Variants in DGKG observed in about 807,000 individuals in gnomAD.
The protein encoded by DGKG is diacylglycerol kinase gamma.
DGKG carries 78 observed loss-of-function variants against 105.3 expected under a neutral mutation model. The observed-to-expected ratio is 0.74, with a 90% confidence interval of 0.62 to 0.89. The LOEUF (loss-of-function observed/expected upper bound fraction) is 0.89. DGKG is among the 40% of genes least tolerant of loss of function. The probability of loss-of-function intolerance (pLI) is 0.00; values close to 1 mark genes in which losing one functional copy is unlikely to be tolerated. For missense variants in DGKG, 958 were observed against 1,020.1 expected (o/e 0.94, Z 0.83); for synonymous variants, 346 against 367.1 (o/e 0.94, Z 0.66).
Position 186,320,549 on chromosome 3 carries a change from G to C in DGKG, c.-90C>G, listed in dbSNP as rs1343132885. 1 of 1,604,298 alleles carries C rather than the reference G, an allele frequency of 6.2e-7. No individual in the cohort carries two copies. Among genetic ancestry groups the C allele is most frequent in the Non-Finnish European group, 8.5e-7 (1 of 1,174,456 alleles). ...GGCCCAGCCCAGGGCCTGGCTCATT[G>C]CAGGTTTGCGATGTAAGCCTTTCAG... is the stretch of plus-strand genomic sequence containing the variant. On this transcript the variant is annotated 5_prime_UTR_variant, in exon 2 of 25. Transcript: ENST00000265022.
chr3:186,310,265 C>CAAAAAAAA (rs1165723037), intron 2 of DGKG, among the ~76,000 whole-genome samples: 9,397 of 33,158 alleles, frequency 0.28, 2,199 homozygotes, highest in Non-Finnish European at 0.37. Context: ...GACTCCGTCT[C>CAAAAAAAA]AAAAAAAAAA....
chr3:186,315,174 G>C (rs1404888592), intron 2 of DGKG, among the ~76,000 whole-genome samples: 1 of 152,184 alleles, frequency 6.6e-6, no homozygotes, highest in Non-Finnish European at 1.5e-5. Flanking sequence ...GACAGTTCCA[G>C]GGAAAGGAAA....
At chr3:186,216,960 ACTT>A (rs1277010082) in intron 20 of DGKG, among the ~76,000 whole-genome samples, 4 of 152,130 alleles carry the variant, frequency 2.6e-5, no homozygotes, top group Admixed American at 6.5e-5. Context: ...TTGAACCTTC[ACTT>A]CTTCTACAAA....
At chr3:186,304,964 C>T (rs1223526191) in intron 3 of DGKG, among the ~76,000 whole-genome samples, 1 of 152,202 alleles carries the variant, frequency 6.6e-6, no homozygotes, top group Non-Finnish European at 1.5e-5. Context: ...GTGCCCAGTA[C>T]AGTGCATAGA....
At position 186,188,172 on chromosome 3, in the gene DGKG, C is replaced by G. The variant is rs377679950; in HGVS notation, c.2095+30G>C. On this transcript the variant is annotated intron_variant, in intron 22 of 24. Transcript: ENST00000265022. ...AGGGCACCTACTACTGGGCATTGAC[C>G]TAAAACAATTATCCTCATTCCTGGC... 700 of 1,612,954 alleles carry G rather than the reference C, an allele frequency of 4.3e-4. 1 individual carries two copies. Among genetic ancestry groups the G allele is most frequent in the Non-Finnish European group, 4.0e-4 (477 of 1,179,278 alleles).
chr3:186,164,434 T>C (rs529044269), intron 23 of DGKG, among the ~76,000 whole-genome samples: 1 of 152,254 alleles, frequency 6.6e-6, no homozygotes, highest in African/African-American at 2.4e-5. Flanking sequence ...GTTTTGCTGA[T>C]GTTGATGGCT....
intron 1 of DGKG, among the ~76,000 whole-genome samples, chr3:186,328,048 G>T (rs550341549): frequency 5.9e-4 from 90 of 152,256 alleles, no homozygotes; most frequent in African/African-American, 2.1e-3. Context: ...CTAGCAAAGT[G>T]CCTGGATGTG....
At chr3:186,204,268 T>C (rs1317493342) in intron 21 of DGKG, among the ~76,000 whole-genome samples, 1 of 152,058 alleles carries the variant, frequency 6.6e-6, no homozygotes, top group Non-Finnish European at 1.5e-5. Context: ...TAGCCAGGCA[T>C]TGTGGTGTGT....
intron 10 of DGKG, among the ~76,000 whole-genome samples, chr3:186,272,968 A>T (rs1376696511): frequency 2.0e-5 from 3 of 152,128 alleles, no homozygotes; most frequent in Non-Finnish European, 4.4e-5. Context: ...ACCTCAGGTG[A>T]CCCACCCGCC....
At chr3:186,314,225 A>G (rs1404457242) in intron 2 of DGKG, among the ~76,000 whole-genome samples, 1 of 131,138 alleles carries the variant, frequency 7.6e-6, no homozygotes, top group Non-Finnish European at 1.7e-5. Flanking sequence ...ACACACACAC[A>G]TTAATGTATG....
rs1438212886 is a variant in DGKG, at chr3:186,318,820, C to T, written c.67+1573G>A. Among the ~76,000 whole-genome samples the T allele has an allele frequency of 3.9e-5, 6 of 152,184 alleles. No homozygotes were observed. The South Asian group carries it at 1.2e-3, about 32-fold the overall frequency. ...ACTTTGAGACTATAAGGCTTAGAGACAATAAACCCACGCTGGATTGAACCA... is the reference window on the plus strand; with the variant it reads ...ACTTTGAGACTATAAGGCTTAGAGATAATAAACCCACGCTGGATTGAACCA... On this transcript the variant is annotated intron_variant, in intron 2 of 24. Coordinates refer to ENST00000265022, the MANE Select transcript of DGKG (RefSeq NM_001346.3).
intron 17 of DGKG, among the ~76,000 whole-genome samples, chr3:186,253,946 C>T (rs1304343659): frequency 2.0e-5 from 3 of 152,170 alleles, no homozygotes; most frequent in African/African-American, 7.2e-5. Context: ...TATTTGGCCC[C>T]CACAACCAGT....
At chr3:186,355,755 C>T (rs1424112455) in intron 1 of DGKG, among the ~76,000 whole-genome samples, 2 of 152,150 alleles carry the variant, frequency 1.3e-5, no homozygotes, top group Non-Finnish European at 2.9e-5. Context: ...ATCACCACCA[C>T]CATTACCACC....
chr3:186,353,702 A>ATATC (rs1553825821), intron 1 of DGKG, among the ~76,000 whole-genome samples: 324 of 125,870 alleles, frequency 2.6e-3, no homozygotes, highest in Middle Eastern at 9.4e-3. Flanking sequence ...ATCTATATCT[A>ATATC]TATAACAGTG....
chr3:186,250,916 C>T (rs546540000), intron 19 of DGKG, among the ~76,000 whole-genome samples: 1 of 152,210 alleles, frequency 6.6e-6, no homozygotes, highest in East Asian at 1.9e-4. Flanking sequence ...CTCCCAACCC[C>T]CAGCTTCATT....
intron 24 of DGKG, among the ~76,000 whole-genome samples, chr3:186,154,103 A>G (rs1028015794): frequency 3.9e-5 from 6 of 152,210 alleles, no homozygotes; most frequent in African/African-American, 1.4e-4. Context: ...TCTCAACAAC[A>G]ACAAAACAAC....
intron 22 of DGKG, among the ~76,000 whole-genome samples, chr3:186,173,473 CA>C (rs1490990644): frequency 2.0e-4 from 31 of 152,248 alleles, no homozygotes; most frequent in Non-Finnish European, 4.1e-4. Flanking sequence ...ATTCAGTCCC[CA>C]CAGTCTAGAC....
chr3:186,319,231 G>T (rs1356051608), intron 2 of DGKG, among the ~76,000 whole-genome samples: 2 of 152,174 alleles, frequency 1.3e-5, no homozygotes, highest in African/African-American at 2.4e-5. Context: ...GTCCCCTGTT[G>T]ACCTCGGAGA....
At chr3:186,347,321 G>A (rs570702802) in intron 1 of DGKG, among the ~76,000 whole-genome samples, 6 of 151,650 alleles carry the variant, frequency 4.0e-5, no homozygotes, top group East Asian at 2.0e-4. Context: ...GGTGGCACGC[G>A]CCTGCAGTCC....
Sources: allele counts gnomAD v4.1 joint callset (sites outside exome capture counted in the v4.1 genomes callset), GRCh38; gene constraint gnomAD v4.1.1; transcripts MANE v1.5; gene names NCBI Gene and HGNC (gene_info 2026-07-23, HGNC 2026-07-21).